DPYD: variants seen among roughly 807,000 people sequenced by gnomAD.
DPYD encodes dihydropyrimidine dehydrogenase [NADP(+)].
Under a neutral mutation model 116.2 loss-of-function variants are expected in DPYD, and 109 were observed. The ratio of observed to expected loss-of-function variants is 0.94; its 90% CI spans 0.80 to 1.10. DPYD has a LOEUF of 1.10. Among genes scored for constraint, DPYD ranks in the 50% least tolerant of loss-of-function variants. DPYD has a pLI of 0.00. For synonymous variants in DPYD, 440 were observed against 432.0 expected (o/e 1.02, Z -0.23); for missense variants, 1,302 against 1,254.5 (o/e 1.04, Z -0.57).
At chr1:97,319,972 A>C (rs1668136092) in intron 16 of DPYD, among the ~76,000 whole-genome samples, 1 of 137,440 alleles carries the variant, frequency 7.3e-6, no homozygotes, top group African/African-American at 2.7e-5. Flanking sequence ...ACAGAGCCAA[A>C]GACAAAAACC....
At chr1:97,778,533 G>T (rs1666552706) in intron 3 of DPYD, among the ~76,000 whole-genome samples, 1 of 151,946 alleles carries the variant, frequency 6.6e-6, no homozygotes, top group Non-Finnish European at 1.5e-5. Context: ...ATTAAATCCT[G>T]CCAAAATACT....
intron 8 of DPYD, among the ~76,000 whole-genome samples, chr1:97,641,632 C>T (rs1657911507): frequency 6.6e-6 from 1 of 152,140 alleles, no homozygotes; most frequent in Admixed American, 6.6e-5. Context: ...GATAAACCTA[C>T]AGTCAATATC....
chr1:97,081,727 T>C (rs994571849), intron 22 of DPYD, among the ~76,000 whole-genome samples: 4 of 147,984 alleles, frequency 2.7e-5, no homozygotes, highest in Non-Finnish European at 4.4e-5. Flanking sequence ...CTTTTTTTTT[T>C]TTTTTTTCCT....
At chr1:97,085,900 A>G (rs1649479977) in intron 21 of DPYD, among the ~76,000 whole-genome samples, 2 of 152,238 alleles carry the variant, frequency 1.3e-5, no homozygotes, top group Admixed American at 1.3e-4. Context: ...TATGTGGAGA[A>G]AGCAATGTTA....
At chr1:97,344,857 G>A (rs1289347672) in intron 16 of DPYD, among the ~76,000 whole-genome samples, 4 of 151,872 alleles carry the variant, frequency 2.6e-5, no homozygotes, top group South Asian at 4.1e-4. Flanking sequence ...GAATTGGCCT[G>A]CTGGGACTAA....
chr1:97,398,150 A>G (rs1304230315), intron 14 of DPYD, among the ~76,000 whole-genome samples: 3 of 152,036 alleles, frequency 2.0e-5, no homozygotes, highest in Middle Eastern at 3.4e-3. Flanking sequence ...CCTGTGTCCA[A>G]GTGTTCTCAT....
intron 8 of DPYD, among the ~76,000 whole-genome samples, chr1:97,672,670 C>T (rs985249177): frequency 7.2e-5 from 11 of 152,190 alleles, no homozygotes; most frequent in Admixed American, 2.0e-4. Context: ...AACTTAATTG[C>T]ATTTTCCTCT....
intron 11 of DPYD, among the ~76,000 whole-genome samples, chr1:97,568,523 C>A (rs1473496482): frequency 6.6e-6 from 1 of 151,998 alleles, no homozygotes; most frequent in Non-Finnish European, 1.5e-5. Context: ...AGAAGGAGGA[C>A]AGCCAGGTTT....
rs1442601813 is a variant in DPYD, at chr1:97,920,945, C to G, written c.-23G>C. 6.3e-7 allele frequency: 1 copy of G among 1,576,072 alleles called. No homozygotes were observed. Among genetic ancestry groups the G allele is most frequent in the Admixed American group, 1.8e-5 (1 of 55,424 alleles). ...CATGGCAGTGCCTACAGTCTCGAGT[C>G]TGCCAGTGACAAACCCTCCTTGCGT... On this transcript the variant is annotated 5_prime_UTR_variant, in exon 1 of 23. Coordinates refer to ENST00000370192, the MANE Select transcript of DPYD (RefSeq NM_000110.4).
chr1:97,903,185 CTTAT>C (rs1673448627), intron 1 of DPYD, among the ~76,000 whole-genome samples: 1 of 151,834 alleles, frequency 6.6e-6, no homozygotes. Context: ...TAATACATCT[CTTAT>C]TTACTACGAA....
At chr1:97,084,394 T>C (rs1339017535) in intron 21 of DPYD, among the ~76,000 whole-genome samples, 1 of 151,836 alleles carries the variant, frequency 6.6e-6, no homozygotes, top group East Asian at 1.9e-4. Context: ...TCCTTCCTTC[T>C]TCTTTCCTAA....
At chr1:97,134,414 G>C (rs774412832) in intron 20 of DPYD, among the ~76,000 whole-genome samples, 6 of 152,036 alleles carry the variant, frequency 3.9e-5, no homozygotes, top group South Asian at 2.1e-4. Context: ...CTAGCTCTCT[G>C]GTCTGCTACC....
At chr1:97,418,683 T>C (rs1488470935) in intron 14 of DPYD, among the ~76,000 whole-genome samples, 1 of 152,118 alleles carries the variant, frequency 6.6e-6, no homozygotes, top group African/African-American at 2.4e-5. Context: ...TCAACATAAA[T>C]ATATCAATGA....
chr1:97,631,082 T>C (rs1657229994), intron 8 of DPYD, among the ~76,000 whole-genome samples: 3 of 152,090 alleles, frequency 2.0e-5, no homozygotes, highest in South Asian at 2.1e-4. Flanking sequence ...AGCTTACTGA[T>C]TTTCATTTGC....
chr1:97,129,067 T>C (rs1470320088), intron 20 of DPYD, among the ~76,000 whole-genome samples: 1 of 138,016 alleles, frequency 7.2e-6, no homozygotes, highest in Admixed American at 7.2e-5. Context: ...TCCTGCTGTA[T>C]TCTTTTTTTT....
chr1:97,360,949 A>G (rs1221275649), intron 16 of DPYD, among the ~76,000 whole-genome samples: 4 of 152,236 alleles, frequency 2.6e-5, no homozygotes, highest in Non-Finnish European at 4.4e-5. Context: ...AGAAATAACT[A>G]AGATCAGAGC....
intron 21 of DPYD, among the ~76,000 whole-genome samples, chr1:97,091,225 C>G (rs1273893951): frequency 1.3e-5 from 2 of 152,170 alleles, no homozygotes; most frequent in African/African-American, 4.8e-5. Context: ...AAAGCAGTGT[C>G]ATGGAGTTTA....
intron 3 of DPYD, among the ~76,000 whole-genome samples, chr1:97,781,228 T>C (rs1323037269): frequency 6.6e-6 from 1 of 152,266 alleles, no homozygotes; most frequent in African/African-American, 2.4e-5. Context: ...GAAATATTCA[T>C]TGTAAATGTA....
intron 18 of DPYD, among the ~76,000 whole-genome samples, chr1:97,251,348 C>A (rs578155379): frequency 2.2e-5 from 3 of 133,484 alleles, no homozygotes; most frequent in Non-Finnish European, 4.6e-5. Context: ...GCCGAGATTG[C>A]GCCATTGCAC....
Sources: allele counts gnomAD v4.1 joint callset (sites outside exome capture counted in the v4.1 genomes callset), GRCh38; gene constraint gnomAD v4.1.1; transcripts MANE v1.5; gene names NCBI Gene and HGNC (gene_info 2026-07-23, HGNC 2026-07-21).